Variants in GFAP observed in about 807,000 individuals in gnomAD.
GFAP encodes the protein intermediate filament protein.
Under a neutral mutation model 49.3 loss-of-function variants are expected in GFAP, and 38 were observed. The ratio of observed to expected loss-of-function variants is 0.77; its 90% CI spans 0.60 to 1.01. GFAP has a LOEUF of 1.01. Among genes scored for constraint, GFAP ranks in the 50% least tolerant of loss-of-function variants. The probability of loss-of-function intolerance (pLI) is 0.00; values close to 1 mark genes in which losing one functional copy is unlikely to be tolerated. For missense variants in GFAP, 463 were observed against 579.1 expected, an observed-to-expected ratio of 0.80 and a Z score of 2.06; for synonymous variants, 222 against 236.4, an observed-to-expected ratio of 0.94 and a Z score of 0.56.
intron 8 of GFAP, chr17:44,907,747 A>G: frequency 1.8e-6 from 1 of 551,258 alleles, no homozygotes; most frequent in Non-Finnish European, 3.3e-6. Flanking sequence ...CTAGAGTTGG[A>G]AGTGAAAGCT....
chr17:44,908,242 A>G, intron 7 of GFAP, 93 bp from the exon 8 acceptor site: 1 of 849,588 alleles, frequency 1.2e-6, no homozygotes. Flanking sequence ...CCCCCTCCCC[A>G]TCATGAGTAT....
At chr17:44,910,115 C>T in intron 7 of GFAP, 2 of 1,613,930 alleles carry the variant, frequency 1.2e-6, no homozygotes, top group South Asian at 2.2e-5. Context: ...GGGCAAAGCG[C>T]CGTGTCTGAG....
chr17:44,903,959 C>G lies in GFAP; in HGVS notation c.*3388G>C. 1 of 1,550,610 alleles carries G rather than the reference C, an allele frequency of 6.4e-7. No homozygotes were observed. Among genetic ancestry groups the G allele is most frequent in the Non-Finnish European group, 8.7e-7 (1 of 1,147,012 alleles). On this transcript the variant is annotated 3_prime_UTR_variant, in exon 9 of 9. Transcript: ENST00000588735. The stretch of plus-strand genomic sequence containing the variant: ...CCTGATGTTTGAAAATGCAGCCTAC[C>G]TGGCCGACATGAGCTTTGAGCTTCC...
In GFAP at chr17:44,908,096, C is replaced by T. The variant is rs1485688823; in HGVS notation, c.1225G>A (p.Val409Met). Reference sequence around the variant, plus strand: ...TCCCGCATCTCCACGGTCTTCACCACGATGTTCCTCTTGAGGTGGCCTTCT... The same window carrying T: ...TCCCGCATCTCCACGGTCTTCACCATGATGTTCCTCTTGAGGTGGCCTTCT... ...VSEGHLKRNI[V>M]VKTVEMRDGE... Residue 409 changes from valine to methionine, a missense_variant, in exon 8 of 9, where the codon GTG becomes ATG. By Grantham distance (21) the Val-to-Met change is conservative (BLOSUM62 1). Transcript: ENST00000588735. The T allele has an allele frequency of 5.6e-6, 9 of 1,609,108 alleles. No individual in the cohort carries two copies. The highest frequency in any genetic ancestry group is 4.0e-5 in the African/African-American group (3 of 74,854).
At chr17:44,913,527 A>G (rs942906610) in intron 3 of GFAP, 97 bp from the exon 4 acceptor site, 53 of 1,337,378 alleles carry the variant, frequency 4.0e-5, no homozygotes, top group South Asian at 4.8e-5. Flanking sequence ...CCCCTCGGCC[A>G]GGAGTTCGAA....
Position 44,907,403 on chromosome 17 carries a change from G to A in GFAP, c.1258-15C>T, listed in dbSNP as rs772303877. 8.8e-6 allele frequency: 14 copies of A among 1,598,718 alleles called. No individual in the cohort carries two copies. The highest frequency in any genetic ancestry group is 1.2e-5 in the Non-Finnish European group (14 of 1,165,876). On this transcript the variant is annotated splice_polypyrimidine_tract_variant and intron_variant, in intron 8 of 8. Transcript: ENST00000588735. ...TCCTTAATGACCTGCAGGGGACAGG[G>A]AACGTGCACAGTGCAACAGTTAGGA...
intron 8 of GFAP, 190 bp from the exon 9 acceptor site, chr17:44,907,578 C>T (rs987556143): frequency 2.4e-5 from 16 of 659,248 alleles, no homozygotes; most frequent in African/African-American, 1.1e-4. Context: ...AAGCATTTAG[C>T]GTCATGCCTG....
intron 7 of GFAP, 76 bp from the exon 8 acceptor site, chr17:44,908,225 A>G (rs752453941): frequency 2.1e-5 from 20 of 954,508 alleles, no homozygotes; most frequent in Admixed American, 1.5e-4. Flanking sequence ...CGGCTTCCCC[A>G]TCGCACCCCC....
chr17:44,911,203 G>A, intron 6 of GFAP, 33 bp downstream of exon 6: 2 of 1,585,088 alleles, frequency 1.3e-6, no homozygotes, highest in East Asian at 4.5e-5. Flanking sequence ...AGGCAGCAGG[G>A]AGACTTCCCC....
At chr17:44,907,476 G>A in intron 8 of GFAP, 88 bp from the exon 9 acceptor site, 1 of 913,738 alleles carries the variant, frequency 1.1e-6, no homozygotes. Flanking sequence ...GTAACCTTGG[G>A]AAGTCCCCGA....
intron 7 of GFAP, chr17:44,910,218 C>T: frequency 6.2e-7 from 1 of 1,613,986 alleles, no homozygotes; most frequent in Non-Finnish European, 8.5e-7. Flanking sequence ...TTTGAGATAT[C>T]TTGTGACCTT....
Position 44,915,326 on chromosome 17 carries a change from A to T in GFAP, c.161T>A (p.Leu54Gln). The stretch of plus-strand genomic sequence containing the variant: ...GAAGCCAGCATTGAGTGCCCCAGCC[A>T]GGGAGAAATCCACCCGGGTCGGGAG... ...PPLPTRVDFS[L>Q]AGALNAGFKE... Residue 54 changes from leucine to glutamine, a missense_variant, in exon 1 of 9, where the codon CTG (leucine) becomes CAG (glutamine). Physicochemically the swap from Leu to Gln is moderately radical, Grantham distance 113. This residue lies in a region of GFAP where 89 missense variants were observed against 87.5 expected (regional missense o/e 1.02). Transcript: ENST00000588735. The surrounding 1 kb of genome is among the most constrained non-coding windows in gnomAD (Gnocchi z 4.1). 1 of 1,613,312 alleles carries T rather than the reference A, an allele frequency of 6.2e-7. No homozygotes were observed. Among genetic ancestry groups the T allele is most frequent in the Non-Finnish European group, 8.5e-7 (1 of 1,179,414 alleles).
At chr17:44,910,682 G>T in intron 6 of GFAP, 24 bp from the exon 7 acceptor site, 1 of 1,577,680 alleles carries the variant, frequency 6.3e-7, no homozygotes, top group Non-Finnish European at 8.6e-7. Flanking sequence ...GAGGGAGAGG[G>T]CTGCCCGGGC....
At position 44,913,385 on chromosome 17, in the gene GFAP, C is replaced by A. The variant is rs1230044028; in HGVS notation, c.664G>T (p.Val222Leu). The A allele has an allele frequency of 6.2e-7, 1 of 1,614,100 alleles. No individual in the cohort carries two copies. The highest frequency in any genetic ancestry group is 1.3e-5 in the African/African-American group (1 of 74,940). The part of the protein sequence containing the change: ...QEQLARQQVH[V>L]ELDVAKPDLT... Reference sequence around the variant, plus strand: ...TCTGGCTTGGCCACGTCAAGCTCCACATGGACCTGCTGTCGGGCCAGCTGC... The same window carrying A: ...TCTGGCTTGGCCACGTCAAGCTCCAAATGGACCTGCTGTCGGGCCAGCTGC... Residue 222 changes from valine to leucine, a missense_variant, in exon 4 of 9, where the codon GTG becomes TTG. Val to Leu is a conservative substitution (Grantham distance 32). Coordinates refer to ENST00000588735, the MANE Select transcript of GFAP (RefSeq NM_002055.5).
In GFAP at chr17:44,904,738, C is replaced by T. The variant is rs774389413; in HGVS notation, c.*2609G>A. On this transcript the variant is annotated 3_prime_UTR_variant, in exon 9 of 9. Transcript: ENST00000588735. ...AGCATGCAGTGGCCTGGGACAAAGA[C>T]CGCCAGCACCTCTACCGCACACAGT... The T allele has an allele frequency of 5.8e-6, 9 of 1,550,474 alleles. No individual in the cohort carries two copies. The South Asian group carries it at 9.5e-5, about 16-fold the overall frequency.
chr17:44,910,688 C>T (rs200064084), intron 6 of GFAP, 30 bp from the exon 7 acceptor site: 1,974 of 1,577,092 alleles, frequency 1.3e-3, no homozygotes, highest in Non-Finnish European at 1.6e-3. Flanking sequence ...GAGGGCTGCC[C>T]GGGCTGCCTG....
chr17:44,905,263 G>A lies in GFAP; in HGVS notation c.*2084C>T, dbSNP rs1483237202. On this transcript the variant is annotated 3_prime_UTR_variant, in exon 9 of 9. Coordinates refer to ENST00000588735, the MANE Select transcript of GFAP (RefSeq NM_002055.5). The stretch of plus-strand genomic sequence containing the variant: ...GAAGTGGAGGGGCCTGAGGCTGGTG[G>A]GAGATTGGGGACTGAGCTCAGGATG... 1.3e-5 allele frequency: 8 copies of A among 594,096 alleles called. No individual in the cohort carries two copies. Among genetic ancestry groups the A allele is most frequent in the Non-Finnish European group, 2.4e-5 (8 of 327,562 alleles). 36.8% of individuals were successfully genotyped at this position (594,096 alleles called of 1,614,324 possible).
Position 44,908,097 on chromosome 17 carries a change from G to A in GFAP, c.1224C>T (p.Ile408=), listed in dbSNP as rs761647299. 2 of 1,609,136 alleles carry A rather than the reference G, an allele frequency of 1.2e-6. No homozygotes were observed. Among genetic ancestry groups the A allele is most frequent in the Non-Finnish European group, 1.7e-6 (2 of 1,175,728 alleles). ...SVSEGHLKRN[I]VVKTVEMRDG... ...CCCGCATCTCCACGGTCTTCACCAC[G>A]ATGTTCCTCTTGAGGTGGCCTTCTG... Residue 408 remains isoleucine, a synonymous_variant, in exon 8 of 9, where the codon ATC becomes ATT. Transcript: ENST00000588735.
chr17:44,914,087 G>C lies in GFAP; in HGVS notation c.463C>G (p.Leu155Val). ...AGCCTCAGGTTGGTTTCATCCTGGA[G>C]CCTGGAGTGGGGGGACACATTCCTG... ...AQDLATVRQK[L>V]QDETNLRLEA... is the part of the protein sequence containing the mutation. The change falls in exon 2 of 9, where the codon CTC becomes GTC. Residue 155 changes from leucine to valine, a missense_variant and splice_region_variant. Coordinates refer to ENST00000588735, the MANE Select transcript of GFAP (RefSeq NM_002055.5). 1 of 1,551,906 alleles carries C rather than the reference G, an allele frequency of 6.4e-7. No homozygotes were observed. The highest frequency in any genetic ancestry group is 8.7e-7 in the Non-Finnish European group (1 of 1,146,360).
Sources: gnomAD v4.1 joint callset for allele counts on GRCh38, gnomAD v4.1.1 for gene constraint, gnomAD v4.1.1 regional missense constraint, Gnocchi (gnomAD v3.1) non-coding constraint, MANE v1.5 for transcripts, NCBI Gene and HGNC (gene_info 2026-07-23, HGNC 2026-07-21) for gene names.